Variants in DLG2 observed in about 807,000 individuals in gnomAD.
The protein encoded by DLG2 is discs large MAGUK scaffold protein 2, also known as disks large homolog 2.
In DLG2, 45 loss-of-function variants were observed where a neutral mutation model predicts 132.5. That is an observed-to-expected ratio of 0.34 (90% CI 0.27 to 0.44). The LOEUF is 0.44. Ranked by LOEUF, DLG2 falls within the 20% of genes least tolerant of loss-of-function variation. DLG2 has a pLI of 1.00. For synonymous variants in DLG2, 424 were observed against 419.6 expected, an observed-to-expected ratio of 1.01 and a Z score of -0.13; for missense variants, 1,045 against 1,196.9, an observed-to-expected ratio of 0.87 and a Z score of 1.87.
intron 8 of DLG2, among the ~76,000 whole-genome samples, chr11:84,178,143 A>C (rs966135937): frequency 1.2e-4 from 18 of 152,160 alleles, no homozygotes; most frequent in Admixed American, 1.1e-3. Flanking sequence ...AAATGCTATG[A>C]AAACCAGCAG....
chr11:85,350,130 T>C (rs1180547650), intron 3 of DLG2, among the ~76,000 whole-genome samples: 1 of 152,236 alleles, frequency 6.6e-6, no homozygotes, highest in Admixed American at 6.5e-5. Context: ...GGCATCTCAT[T>C]GTGGTTTTGA....
rs530804636 is a variant in DLG2 at position 83,563,853 on chromosome 11, A to C, written c.1941-21995T>G. 3.3e-5 allele frequency among the ~76,000 whole-genome samples: 5 copies of C among 152,356 alleles called. No individual in the cohort carries two copies. The South Asian group carries it at 1.0e-3, about 32-fold the overall frequency. ...TTGGCATGGTATAGGGTTGCTGTTT[A>C]AATTATGTTCATCTTATTTCAATGT... On this transcript the variant is annotated intron_variant, in intron 19 of 27. Transcript: ENST00000376104.
At chr11:85,507,447 T>C (rs1275009295) in intron 3 of DLG2, among the ~76,000 whole-genome samples, 1 of 152,150 alleles carries the variant, frequency 6.6e-6, no homozygotes, top group African/African-American at 2.4e-5. Context: ...CTGTAAAGGA[T>C]TTTATTTCTC....
At chr11:84,041,237 A>G (rs942691027) in intron 11 of DLG2, among the ~76,000 whole-genome samples, 1 of 152,002 alleles carries the variant, frequency 6.6e-6, no homozygotes, top group African/African-American at 2.4e-5. Flanking sequence ...GATTTTTGCC[A>G]CTGGAAACAC....
At chr11:84,588,788 A>C (rs921300796) in intron 6 of DLG2, among the ~76,000 whole-genome samples, 3 of 151,974 alleles carry the variant, frequency 2.0e-5, no homozygotes, top group African/African-American at 4.8e-5. Context: ...ATGTGAAAAA[A>C]AAAAAAAAAC....
intron 6 of DLG2, among the ~76,000 whole-genome samples, chr11:84,736,544 C>T (rs1471618705): frequency 6.6e-6 from 1 of 151,818 alleles, no homozygotes; most frequent in Non-Finnish European, 1.5e-5. Context: ...CTTTTAAGGT[C>T]TTTAATTTTA....
At chr11:83,858,698 A>T (rs1013213813) in intron 16 of DLG2, among the ~76,000 whole-genome samples, 5 of 152,320 alleles carry the variant, frequency 3.3e-5, no homozygotes, top group Admixed American at 3.3e-4. Context: ...CTGACACACA[A>T]GGCCAGGTAA....
At chr11:84,231,711 C>T (rs1392045971) in intron 8 of DLG2, among the ~76,000 whole-genome samples, 4 of 151,974 alleles carry the variant, frequency 2.6e-5, no homozygotes. Context: ...AATGCAAGAC[C>T]ACTGAAAACT....
chr11:84,236,187 G>T (rs73519755), intron 8 of DLG2, among the ~76,000 whole-genome samples: 5,117 of 152,194 alleles, frequency 0.034, 266 homozygotes, highest in African/African-American at 0.12. Context: ...AAAGAATCCA[G>T]ATAATTTCAC....
chr11:85,310,907 C>T (rs549467937), intron 3 of DLG2, among the ~76,000 whole-genome samples: 216 of 152,188 alleles, frequency 1.4e-3, no homozygotes, highest in Non-Finnish European at 1.6e-3. Context: ...GCTTTTTAGC[C>T]TTAACTTTTT....
intron 19 of DLG2, among the ~76,000 whole-genome samples, chr11:83,576,763 C>T (rs1014820826): frequency 1.3e-5 from 2 of 152,104 alleles, no homozygotes; most frequent in Non-Finnish European, 2.9e-5. Flanking sequence ...AGCAGATGTG[C>T]ACTTAAAGAA....
chr11:84,644,975 C>T (rs751389106), intron 6 of DLG2, among the ~76,000 whole-genome samples: 1 of 152,298 alleles, frequency 6.6e-6, no homozygotes, highest in Non-Finnish European at 1.5e-5. Context: ...AAAATTCATA[C>T]TGCAGCACAT....
intron 18 of DLG2, among the ~76,000 whole-genome samples, chr11:83,781,523 C>T (rs1566941331): frequency 6.6e-6 from 1 of 152,130 alleles, no homozygotes; most frequent in Non-Finnish European, 1.5e-5. Context: ...AACTCCAGTA[C>T]CTTATTAAAG....
intron 6 of DLG2, among the ~76,000 whole-genome samples, chr11:84,586,150 CAAAA>C (rs71036429): frequency 7.5e-6 from 1 of 133,424 alleles, no homozygotes. Flanking sequence ...GATTCTGACT[CAAAA>C]AAAAAAAAAA....
intron 8 of DLG2, among the ~76,000 whole-genome samples, chr11:84,239,110 G>GA (rs577627070): frequency 1.3e-4 from 20 of 152,046 alleles, no homozygotes; most frequent in South Asian, 2.1e-4. Flanking sequence ...GTGTAACATT[G>GA]AAAAAAACTT....
At chr11:84,561,796 C>A (rs1195139432) in intron 6 of DLG2, among the ~76,000 whole-genome samples, 1 of 151,956 alleles carries the variant, frequency 6.6e-6, no homozygotes, top group Non-Finnish European at 1.5e-5. Context: ...CTAGAATAGA[C>A]CATGAACCTT....
chr11:85,058,079 GA>G (rs1055287795), intron 6 of DLG2, among the ~76,000 whole-genome samples: 1 of 150,954 alleles, frequency 6.6e-6, no homozygotes, highest in African/African-American at 2.4e-5. Flanking sequence ...AATAAGAAAA[GA>G]AAAAAATTAG....
At chr11:84,665,231 A>G (rs1303286752) in intron 6 of DLG2, among the ~76,000 whole-genome samples, 1 of 152,156 alleles carries the variant, frequency 6.6e-6, no homozygotes, top group Non-Finnish European at 1.5e-5. Context: ...GATATATAAT[A>G]GTATTGATGG....
At chr11:85,238,896 C>T (rs2075736671) in intron 4 of DLG2, among the ~76,000 whole-genome samples, 2 of 151,654 alleles carry the variant, frequency 1.3e-5, no homozygotes, top group Non-Finnish European at 2.9e-5. Flanking sequence ...GGCTTTGCAA[C>T]GTCAGCTGCA....
Sources: gnomAD v4.1 joint callset for allele counts (sites outside exome capture counted in the v4.1 genomes callset) on GRCh38, gnomAD v4.1.1 for gene constraint, MANE v1.5 for transcripts, NCBI Gene and HGNC (gene_info 2026-07-23, HGNC 2026-07-21) for gene names.